TBXAS1: variants seen among roughly 807,000 people sequenced by gnomAD.
TBXAS1 encodes thromboxane-A synthase.
In TBXAS1, 48 loss-of-function variants were observed where a neutral mutation model predicts 60.7. The observed-to-expected ratio is 0.79, with a 90% CI of 0.63 to 1.01. TBXAS1 has a LOEUF of 1.01. Among genes scored for constraint, TBXAS1 ranks in the 50% least tolerant of loss-of-function variants. The pLI is 0.00. For synonymous variants in TBXAS1, 287 were observed against 269.7 expected, an observed-to-expected ratio of 1.06 and a Z score of -0.63; for missense variants, 685 against 686.3, an observed-to-expected ratio of 1.00 and a Z score of 0.02.
chr7:139,815,418 A>G (rs1173145178), intron 4 of TBXAS1, among the ~76,000 whole-genome samples: 3 of 152,338 alleles, frequency 2.0e-5, no homozygotes, highest in African/African-American at 4.8e-5. Context: ...TTTGAAATGT[A>G]TGATTCTAAT....
intron 3 of TBXAS1, among the ~76,000 whole-genome samples, chr7:139,783,529 G>T (rs1282824749): frequency 6.6e-6 from 1 of 152,176 alleles, no homozygotes; most frequent in African/African-American, 2.4e-5. Context: ...ATTATGGGAG[G>T]TAGGTAATAG....
At chr7:139,882,946 G>A in intron 3 of TBXAS1, among the ~76,000 whole-genome samples, 1 of 152,174 alleles carries the variant, frequency 6.6e-6, no homozygotes, top group Non-Finnish European at 1.5e-5. Context: ...AAGCCTGTAA[G>A]AGCACCTTTT....
intron 1 of TBXAS1, among the ~76,000 whole-genome samples, chr7:139,864,293 T>C (rs554974173): frequency 4.2e-4 from 55 of 130,800 alleles, no homozygotes; most frequent in African/African-American, 1.3e-3. Context: ...CCAAAACAAA[T>C]GTACGTAAAT....
intron 10 of TBXAS1, among the ~76,000 whole-genome samples, chr7:140,007,536 T>C (rs1391651619): frequency 6.6e-6 from 1 of 152,218 alleles, no homozygotes; most frequent in Non-Finnish European, 1.5e-5. Context: ...TTATTGAGCA[T>C]CTACTCTGTG....
At chr7:139,987,388 T>C (rs1326486584) in intron 9 of TBXAS1, among the ~76,000 whole-genome samples, 1 of 152,130 alleles carries the variant, frequency 6.6e-6, no homozygotes, top group Non-Finnish European at 1.5e-5. Context: ...CCCCACACAC[T>C]GAGAGGCCAG....
intron 3 of TBXAS1, among the ~76,000 whole-genome samples, chr7:139,900,180 C>A (rs562454780): frequency 6.0e-4 from 92 of 152,248 alleles, no homozygotes; most frequent in African/African-American, 2.1e-3. Context: ...AGGAAGTAGA[C>A]CTAAAATTCA....
chr7:139,855,865 G>A (rs1585642300), intron 1 of TBXAS1, among the ~76,000 whole-genome samples: 1 of 152,144 alleles, frequency 6.6e-6, no homozygotes, highest in Non-Finnish European at 1.5e-5. Context: ...TATCTGCTTT[G>A]CCTTCACTAG....
At chr7:139,987,278 C>A (rs1253872503) in intron 9 of TBXAS1, among the ~76,000 whole-genome samples, 2 of 152,176 alleles carry the variant, frequency 1.3e-5, no homozygotes, top group East Asian at 1.9e-4. Flanking sequence ...CAAGAGGAAG[C>A]TGTTCTCACC....
chr7:139,784,020 T>TG (rs1352152615), intron 3 of TBXAS1, among the ~76,000 whole-genome samples: 1 of 151,186 alleles, frequency 6.6e-6, no homozygotes, highest in East Asian at 1.9e-4. Context: ...TGTTTTTTTT[T>TG]TTTTTGTATT....
chr7:139,977,693 T>A (rs995481179), intron 9 of TBXAS1, among the ~76,000 whole-genome samples: 3 of 152,084 alleles, frequency 2.0e-5, no homozygotes, highest in Non-Finnish European at 4.4e-5. Context: ...CCTCCATCCT[T>A]TTCCCTTTCT....
intron 3 of TBXAS1, among the ~76,000 whole-genome samples, chr7:139,880,349 A>G (rs1802605147): frequency 6.6e-6 from 1 of 152,152 alleles, no homozygotes; most frequent in Admixed American, 6.6e-5. Flanking sequence ...CATTTTGGTA[A>G]GTGGCACCTG....
chr7:139,785,243 G>A (rs537626388), intron 3 of TBXAS1, among the ~76,000 whole-genome samples: 3 of 152,012 alleles, frequency 2.0e-5, no homozygotes, highest in Non-Finnish European at 4.4e-5. Flanking sequence ...GCTCTCTTCT[G>A]TTCCCTTTCT....
intron 2 of TBXAS1, 60 bp downstream of exon 2, chr7:139,872,388 C>T: frequency 1.3e-6 from 2 of 1,529,740 alleles, no homozygotes; most frequent in African/African-American, 1.4e-5. Context: ...GGCACAGTGG[C>T]TCATGGCTGT....
At chr7:139,829,250 C>T (rs1798545107), upstream of TBXAS1, 2 of 749,284 alleles carry the variant, frequency 2.7e-6, no homozygotes, top group African/African-American at 1.7e-5. Flanking sequence ...AGAAAGAGCA[C>T]ATTGTGGGGG....
intron 1 of TBXAS1, among the ~76,000 whole-genome samples, chr7:139,842,880 C>T (rs1022792375): frequency 2.6e-5 from 4 of 152,176 alleles, no homozygotes; most frequent in Admixed American, 2.0e-4. Flanking sequence ...AGAGGCCGGC[C>T]CCTTTTTTCC....
chr7:139,964,082 A>G (rs1810587320), intron 9 of TBXAS1, among the ~76,000 whole-genome samples: 1 of 151,846 alleles, frequency 6.6e-6, no homozygotes, highest in Non-Finnish European at 1.5e-5. Flanking sequence ...GTCGCTGCCC[A>G]TTCTTTTTTA....
At chr7:139,784,981 GCTTT>G (rs1797141659) in intron 3 of TBXAS1, among the ~76,000 whole-genome samples, 1 of 152,150 alleles carries the variant, frequency 6.6e-6, no homozygotes, top group Non-Finnish European at 1.5e-5. Flanking sequence ...CATCGAAGGG[GCTTT>G]CTAAGGATGC....
intron 3 of TBXAS1, among the ~76,000 whole-genome samples, chr7:139,906,989 A>G (rs1331028389): frequency 1.3e-5 from 2 of 152,162 alleles, no homozygotes; most frequent in Non-Finnish European, 2.9e-5. Flanking sequence ...CAAAATAGGG[A>G]CAATTTTATT....
intron 1 of TBXAS1, among the ~76,000 whole-genome samples, chr7:139,831,366 G>T (rs1330891993): frequency 1.9e-4 from 29 of 152,172 alleles, no homozygotes; most frequent in Admixed American, 1.9e-3. Flanking sequence ...TGAGACTCTA[G>T]TCAGCCACTA....
Sources: allele counts gnomAD v4.1 joint callset (sites outside exome capture counted in the v4.1 genomes callset), GRCh38; gene constraint gnomAD v4.1.1; transcripts MANE v1.5; gene names NCBI Gene and HGNC (gene_info 2026-07-23, HGNC 2026-07-21).